CNTRL: variants seen among roughly 807,000 people sequenced by gnomAD.
CNTRL encodes the protein 110 kDa centrosomal protein.
In CNTRL, 233 loss-of-function variants were observed where a neutral mutation model predicts 303.7. That is an observed-to-expected ratio of 0.77 (90% confidence interval 0.69 to 0.86). The LOEUF (loss-of-function observed/expected upper bound fraction) is 0.86. Among genes scored for constraint, CNTRL ranks in the 40% least tolerant of loss-of-function variants. The pLI, the probability that CNTRL is intolerant of heterozygous loss-of-function variation, is 0.00. For missense variants in CNTRL, 2,524 were observed against 2,650.6 expected (o/e 0.95, Z 1.05); for synonymous variants, 900 against 922.2 (o/e 0.98, Z 0.44).
At chr9:121,152,417 T>A in intron 25 of CNTRL, 68 bp from the exon 26 acceptor site, 1 of 1,311,844 alleles carries the variant, frequency 7.6e-7, no homozygotes, top group African/African-American at 1.5e-5. Context: ...AATTTCAGCT[T>A]TTGGCAGGAA....
Position 121,135,927 on chromosome 9 carries a change from A to G in CNTRL, c.2147A>G (p.Asp716Gly). The G allele has an allele frequency of 9.9e-6, 16 of 1,613,678 alleles. No individual in the cohort carries two copies. The highest frequency in any genetic ancestry group is 1.4e-5 in the Non-Finnish European group (16 of 1,179,660). Residue 716 changes from aspartate (D) to glycine (G), a missense_variant, in exon 15 of 44, where the codon GAT becomes GGT. Asp to Gly is a moderately conservative substitution (Grantham distance 94). Coordinates refer to ENST00000373855, the MANE Select transcript of CNTRL (RefSeq NM_007018.6). ...CTAGAGGCTCGGCTAAACCTAAGGG[A>G]TGCTGAAGCCAACCAGCTCAAGGAA... ...AELEARLNLR[D>G]AEANQLKEEL...
intron 14 of CNTRL, among the ~76,000 whole-genome samples, chr9:121,132,871 T>C (rs1246853022): frequency 6.6e-6 from 1 of 152,222 alleles, no homozygotes; most frequent in Non-Finnish European, 1.5e-5. Context: ...TGTTTGTTAG[T>C]TTTCCTTCTA....
In CNTRL at chr9:121,157,452, T is replaced by C. The variant is rs1011475268; in HGVS notation, c.4366-18T>C. 3 of 1,610,846 alleles carry C rather than the reference T, an allele frequency of 1.9e-6. No individual in the cohort carries two copies. The highest frequency in any genetic ancestry group is 1.7e-5 in the Admixed American group (1 of 59,618). On this transcript the variant is annotated intron_variant, in intron 27 of 43. Transcript: ENST00000373855. ...AGTATTGTAACTGAATGGCTTTTAA[T>C]GACAGTTTCTTTTCTAGACAAAAAA... is the stretch of plus-strand genomic sequence containing the variant.
intron 26 of CNTRL, 35 bp downstream of exon 26, chr9:121,152,728 C>T (rs775410793): frequency 3.3e-5 from 48 of 1,446,544 alleles, no homozygotes; most frequent in Admixed American, 9.0e-5. Context: ...CAGACAAATA[C>T]GATATTAGTT....
At chr9:121,089,782 A>G (rs2048484202) in intron 3 of CNTRL, among the ~76,000 whole-genome samples, 2 of 152,210 alleles carry the variant, frequency 1.3e-5, no homozygotes, top group African/African-American at 4.8e-5. Context: ...ACTGGATTCA[A>G]GTTCTGGATT....
intron 12 of CNTRL, among the ~76,000 whole-genome samples, chr9:121,118,924 T>C (rs576682491): frequency 6.6e-6 from 1 of 152,208 alleles, no homozygotes; most frequent in African/African-American, 2.4e-5. Flanking sequence ...ACAAATATTA[T>C]GCTATTTTAT....
intron 38 of CNTRL, among the ~76,000 whole-genome samples, chr9:121,169,288 A>G (rs1471202672): frequency 6.6e-6 from 1 of 152,206 alleles, no homozygotes; most frequent in Non-Finnish European, 1.5e-5. Flanking sequence ...ATGTTTATAA[A>G]AAACATTTCA....
chr9:121,157,920 G>A (rs371591575), intron 29 of CNTRL, 40 bp downstream of exon 29: 1 of 1,613,554 alleles, frequency 6.2e-7, no homozygotes, highest in African/African-American at 1.3e-5. Flanking sequence ...GGTTTGTGCT[G>A]GAAGACAGCT....
chr9:121,168,932 C>T (rs956144386), intron 38 of CNTRL, among the ~76,000 whole-genome samples: 2 of 151,984 alleles, frequency 1.3e-5, no homozygotes, highest in African/African-American at 4.8e-5. Context: ...CTTGATATAC[C>T]CAGACCCAAT....
Position 121,167,569 on chromosome 9 carries a change from A to C in CNTRL, c.5736A>C (p.Ala1912=), listed in dbSNP as rs1385109732. The C allele has an allele frequency of 1.2e-6, 2 of 1,614,052 alleles. No individual in the cohort carries two copies. The highest frequency in any genetic ancestry group is 2.7e-5 in the African/African-American group (2 of 74,928). Residue 1912 remains alanine (A), a synonymous_variant, in exon 37 of 44, where the codon GCA becomes GCC. Transcript: ENST00000373855. ...TCCAGAAGGACATCAGTGAATGGGC[A>C]AATAGGTTTGAAGACTGTCAGAAAG... ...TRLQKDISEW[A]NRFEDCQKEE...
intron 34 of CNTRL, among the ~76,000 whole-genome samples, chr9:121,164,146 G>C (rs1329533246): frequency 1.3e-5 from 2 of 152,156 alleles, no homozygotes; most frequent in Non-Finnish European, 2.9e-5. Flanking sequence ...TTGCAGGCAT[G>C]AGCCACCGCA....
intron 30 of CNTRL, 60 bp downstream of exon 30, chr9:121,158,169 A>C: frequency 1.3e-6 from 2 of 1,565,072 alleles, no homozygotes; most frequent in Admixed American, 1.9e-5. Flanking sequence ...TATAAAAGTA[A>C]TACATGTTTA....
At position 121,114,765 on chromosome 9, in the gene CNTRL, C is replaced by G. The variant is rs1385442241; in HGVS notation, c.1346-326C>G. Among the ~76,000 whole-genome samples, 6 of 152,130 alleles carry G rather than the reference C, an allele frequency of 3.9e-5. No individual in the cohort carries two copies. The East Asian group carries it at 1.2e-3, about 29-fold the overall frequency. ...CCTGAACCTAATTATAACTTAGTAA[C>G]ATGTAAAGTGCATATTTCCCAATAA... On this transcript the variant is annotated intron_variant, in intron 10 of 43. Coordinates refer to ENST00000373855, the MANE Select transcript of CNTRL (RefSeq NM_007018.6).
At chr9:121,177,092 G>C (rs2053558635) in intron 43 of CNTRL, 71 bp from the exon 44 acceptor site, 1 of 1,222,206 alleles carries the variant, frequency 8.2e-7, no homozygotes, top group African/African-American at 1.5e-5. Context: ...AAGCCATCAT[G>C]CCATCACTTA....
intron 11 of CNTRL, 152 bp downstream of exon 11, chr9:121,115,352 G>A: frequency 2.1e-6 from 1 of 477,024 alleles, no homozygotes; most frequent in Non-Finnish European, 3.7e-6. Flanking sequence ...TCTAGAATTT[G>A]CCAATTGTAA....
rs2049553003 is a variant in CNTRL at position 121,107,863 on chromosome 9, G to A, written c.870G>A (p.Lys290=). The A allele has an allele frequency of 6.2e-7, 1 of 1,608,764 alleles. No homozygotes were observed. Among genetic ancestry groups the A allele is most frequent in the African/African-American group, 1.3e-5 (1 of 74,616 alleles). The change falls in exon 8 of 44, where the codon AAG becomes AAA. Residue 290 remains lysine (K), a synonymous_variant. Transcript: ENST00000373855. ...EKKMIETEEL[K]SKQTRFLEEI... ...AGATGATAGAAACTGAAGAGCTTAA[G>A]AGCAAACAAACAAGGTTCCTTGAGG... is the stretch of plus-strand genomic sequence containing the variant.
chr9:121,137,525 G>C (rs1320540445), intron 15 of CNTRL, among the ~76,000 whole-genome samples: 1 of 152,082 alleles, frequency 6.6e-6, no homozygotes, highest in African/African-American at 2.4e-5. Flanking sequence ...TAATTCATAT[G>C]GTTAGAAAAG....
At chr9:121,165,174 A>C in intron 35 of CNTRL, 74 bp downstream of exon 35, 1 of 1,370,946 alleles carries the variant, frequency 7.3e-7, no homozygotes, top group Non-Finnish European at 9.9e-7. Context: ...TTCTTACGAC[A>C]AGTAATTCCT....
chr9:121,151,368 CTTTTTCTTTTTTCTTCTTCTTTTTT>C (rs2052233038), intron 25 of CNTRL, among the ~76,000 whole-genome samples: 1 of 117,584 alleles, frequency 8.5e-6, no homozygotes, highest in Non-Finnish European at 1.9e-5. Context: ...AGATTACTTC[CTTTTTCTTTTTTCTTCTTCTTTTTT>C]TTTTTTTTTT....
Sources: gnomAD v4.1 joint callset for allele counts (sites outside exome capture counted in the v4.1 genomes callset) on GRCh38, gnomAD v4.1.1 for gene constraint, MANE v1.5 for transcripts, NCBI Gene and HGNC (gene_info 2026-07-23, HGNC 2026-07-21) for gene names.